The following ZNF385B variants were observed in gnomAD, a reference collection of about 807,000 sequenced individuals.
The protein encoded by ZNF385B is zinc finger protein 385B.
Under a neutral mutation model 39.2 loss-of-function variants are expected in ZNF385B, and 23 were observed. The observed-to-expected ratio is 0.59, with a 90% confidence interval of 0.42 to 0.83. The LOEUF (loss-of-function observed/expected upper bound fraction) is 0.83. Among genes scored for constraint, ZNF385B ranks in the 40% least tolerant of loss-of-function variants. The probability of loss-of-function intolerance (pLI) is 0.00; values close to 1 mark genes in which losing one functional copy is unlikely to be tolerated. For synonymous variants in ZNF385B, 205 were observed against 222.6 expected, an observed-to-expected ratio of 0.92 and a Z score of 0.70; for missense variants, 552 against 598.9, an observed-to-expected ratio of 0.92 and a Z score of 0.82.
chr2:179,554,159 G>C lies in ZNF385B; in HGVS notation c.299-9190C>G. Among the ~76,000 whole-genome samples the C allele has an allele frequency of 1.3e-5, 2 of 149,006 alleles. 1 individual carries two copies. The highest frequency in any genetic ancestry group is 3.0e-5 in the Non-Finnish European group (2 of 67,528). On this transcript the variant is annotated intron_variant, in intron 3 of 9. Coordinates refer to ENST00000410066, the MANE Select transcript of ZNF385B (RefSeq NM_152520.6). Reference sequence around the variant, plus strand: ...GTATTGTATAAGCTTCAGTTACTGTGGTTACTAACTACTCCTAATCCTTGA... The same window carrying C: ...GTATTGTATAAGCTTCAGTTACTGTCGTTACTAACTACTCCTAATCCTTGA...
intron 3 of ZNF385B, among the ~76,000 whole-genome samples, chr2:179,711,907 T>TTTG (rs1335630980): frequency 2.1e-5 from 3 of 145,984 alleles, no homozygotes; most frequent in Non-Finnish European, 4.5e-5. Context: ...TTTTTTTTTT[T>TTTG]ACAAATGGTA....
chr2:179,649,950 T>TC (rs1222660947), intron 3 of ZNF385B, among the ~76,000 whole-genome samples: 3 of 152,220 alleles, frequency 2.0e-5, no homozygotes, highest in Admixed American at 6.5e-5. Context: ...TGTTTACGTT[T>TC]CCCAGTATTA....
intron 5 of ZNF385B, among the ~76,000 whole-genome samples, chr2:179,503,140 G>A (rs1257779800): frequency 2.0e-5 from 3 of 152,194 alleles, no homozygotes; most frequent in African/African-American, 7.2e-5. Flanking sequence ...TTCCCCAAGT[G>A]TTGGGAAGAC....
intron 3 of ZNF385B, among the ~76,000 whole-genome samples, chr2:179,599,155 T>C (rs577480018): frequency 3.3e-5 from 5 of 152,344 alleles, no homozygotes; most frequent in Admixed American, 2.0e-4. Context: ...ACCTTTTCTA[T>C]GCTTAGATAC....
chr2:179,493,763 G>T (rs555595377), intron 5 of ZNF385B, among the ~76,000 whole-genome samples: 1 of 85,354 alleles, frequency 1.2e-5, no homozygotes, highest in Admixed American at 1.1e-4. Context: ...ATACATATAT[G>T]TATACATATA....
At chr2:179,558,574 T>G (rs2061110275) in intron 3 of ZNF385B, among the ~76,000 whole-genome samples, 1 of 152,162 alleles carries the variant, frequency 6.6e-6, no homozygotes, top group Admixed American at 6.6e-5. Context: ...TATTCAAAAG[T>G]AGGTGCCCAT....
At chr2:179,659,437 A>C (rs561228207) in intron 3 of ZNF385B, among the ~76,000 whole-genome samples, 1 of 152,296 alleles carries the variant, frequency 6.6e-6, no homozygotes, top group Admixed American at 6.5e-5. Flanking sequence ...CTTTTATAAA[A>C]TGAGAAAGCT....
At chr2:179,546,208 G>C (rs1559451319) in intron 3 of ZNF385B, among the ~76,000 whole-genome samples, 1 of 151,496 alleles carries the variant, frequency 6.6e-6, no homozygotes, top group Non-Finnish European at 1.5e-5. Flanking sequence ...GCTAATTTTT[G>C]TATTTTTTGT....
chr2:179,493,622 T>TGC (rs372897864), intron 5 of ZNF385B, among the ~76,000 whole-genome samples: 7 of 96,244 alleles, frequency 7.3e-5, no homozygotes, highest in Non-Finnish European at 1.1e-4. Flanking sequence ...CGTACATATA[T>TGC]GTATACGCAT....
chr2:179,734,763 T>C (rs899271830), intron 3 of ZNF385B, among the ~76,000 whole-genome samples: 2 of 152,180 alleles, frequency 1.3e-5, no homozygotes, highest in African/African-American at 4.8e-5. Context: ...AGTACAATAA[T>C]AGAATATGTA....
At chr2:179,591,091 TTCA>T (rs1687516766) in intron 3 of ZNF385B, among the ~76,000 whole-genome samples, 2 of 117,380 alleles carry the variant, frequency 1.7e-5, no homozygotes, top group Non-Finnish European at 3.7e-5. Context: ...CCCAGAGTGG[TTCA>T]TGATTCATTT....
At chr2:179,547,591 C>T (rs1390545179) in intron 3 of ZNF385B, among the ~76,000 whole-genome samples, 3 of 149,244 alleles carry the variant, frequency 2.0e-5, no homozygotes, top group Non-Finnish European at 4.4e-5. Context: ...GTTTTTATGC[C>T]AGTACCATGA....
chr2:179,496,161 A>G (rs1460249130), intron 5 of ZNF385B, among the ~76,000 whole-genome samples: 1 of 152,216 alleles, frequency 6.6e-6, no homozygotes, highest in Non-Finnish European at 1.5e-5. Context: ...ATCAAGCAGA[A>G]ATTCTGGAGC....
intron 6 of ZNF385B, among the ~76,000 whole-genome samples, chr2:179,462,081 T>A (rs543091121): frequency 2.0e-5 from 3 of 152,334 alleles, no homozygotes; most frequent in Admixed American, 2.0e-4. Context: ...TTCCTTTTTA[T>A]ACTTAATATT....
chr2:179,773,335 T>G (rs1364472956), intron 1 of ZNF385B, among the ~76,000 whole-genome samples: 1 of 152,164 alleles, frequency 6.6e-6, no homozygotes, highest in Non-Finnish European at 1.5e-5. Flanking sequence ...CTCAAGTCAA[T>G]CGGTTTTATC....
At chr2:179,815,352 C>T (rs187665743) in intron 1 of ZNF385B, among the ~76,000 whole-genome samples, 4 of 152,232 alleles carry the variant, frequency 2.6e-5, no homozygotes, top group South Asian at 2.1e-4. Context: ...TCACTGAACT[C>T]GGAGATGTTC....
intron 3 of ZNF385B, among the ~76,000 whole-genome samples, chr2:179,664,249 T>C (rs1357722104): frequency 6.6e-6 from 1 of 152,136 alleles, no homozygotes; most frequent in Non-Finnish European, 1.5e-5. Context: ...TCTTGAATTA[T>C]CCATTAATAT....
At chr2:179,449,497 C>A (rs539103618) in intron 6 of ZNF385B, among the ~76,000 whole-genome samples, 93 of 152,250 alleles carry the variant, frequency 6.1e-4, no homozygotes, top group African/African-American at 2.2e-3. Flanking sequence ...AACTCCCATT[C>A]ACAATTGCTT....
chr2:179,444,215 TC>T (rs1418118921), intron 9 of ZNF385B, among the ~76,000 whole-genome samples: 10 of 152,194 alleles, frequency 6.6e-5, no homozygotes, highest in South Asian at 2.1e-4. Flanking sequence ...GAAGGTAATC[TC>T]AGAATTGCCT....
Sources: gnomAD v4.1 joint callset for allele counts (sites outside exome capture counted in the v4.1 genomes callset) on GRCh38, gnomAD v4.1.1 for gene constraint, MANE v1.5 for transcripts, NCBI Gene and HGNC (gene_info 2026-07-23, HGNC 2026-07-21) for gene names.